Variants in TMEM232 observed in about 807,000 individuals in gnomAD.
TMEM232 encodes the protein transmembrane protein 232.
A neutral mutation model predicts 78.8 loss-of-function variants in TMEM232; 80 were observed. The ratio of observed to expected loss-of-function variants is 1.01; its 90% CI spans 0.85 to 1.22. TMEM232 has a LOEUF of 1.22. TMEM232 is among the 50% of genes most tolerant of loss of function. The pLI is 0.00. For synonymous variants in TMEM232, 297 were observed against 254.3 expected (o/e 1.17, Z -1.60); for missense variants, 881 against 742.2 (o/e 1.19, Z -2.17).
At chr5:110,452,340 C>T (rs1393082812) in intron 12 of TMEM232, among the ~76,000 whole-genome samples, 1 of 152,096 alleles carries the variant, frequency 6.6e-6, no homozygotes, top group East Asian at 1.9e-4. Context: ...TACCTCAATA[C>T]TCCTCTCAAT....
intron 13 of TMEM232, among the ~76,000 whole-genome samples, chr5:110,423,313 GT>G (rs1756873477): frequency 6.6e-6 from 1 of 152,158 alleles, no homozygotes; most frequent in Non-Finnish European, 1.5e-5. Context: ...TTGTAAGCAA[GT>G]TTGTTCTTAT....
intron 2 of TMEM232, among the ~76,000 whole-genome samples, chr5:110,406,257 G>GATAT (rs372613112): frequency 1.9e-4 from 15 of 80,848 alleles, no homozygotes; most frequent in African/African-American, 6.4e-4. Context: ...CTATGACACA[G>GATAT]ATATATATAC....
chr5:110,478,245 A>G (rs1358388497), intron 12 of TMEM232, among the ~76,000 whole-genome samples: 1 of 151,982 alleles, frequency 6.6e-6, no homozygotes, highest in Non-Finnish European at 1.5e-5. Context: ...GATCACTAAA[A>G]TGTTAATGAA....
At chr5:110,642,203 C>T in intron 3 of TMEM232, 57 bp downstream of exon 3, 2 of 1,057,096 alleles carry the variant, frequency 1.9e-6, no homozygotes, top group Non-Finnish European at 2.7e-6. Flanking sequence ...AATGTGTAAT[C>T]ATGTACCAAC....
rs573316067 is a variant in TMEM232 at position 110,536,683 on chromosome 5, C to A, written c.1456-7848G>T. Among the ~76,000 whole-genome samples the A allele has an allele frequency of 8.5e-5, 13 of 152,198 alleles. No homozygotes were observed. The South Asian group carries it at 1.5e-3, about 17-fold the overall frequency. ...ATGGGTCAAAGACAAAAGGAACCCA[C>A]CTAGCTATGCAAAGAATGTTATAAA... is the stretch of plus-strand genomic sequence containing the variant. On this transcript the variant is annotated intron_variant, in intron 11 of 13. Transcript: ENST00000455884.
intron 1 of TMEM232, among the ~76,000 whole-genome samples, chr5:110,680,049 T>C (rs1792521356): frequency 6.6e-6 from 1 of 152,030 alleles, no homozygotes; most frequent in Non-Finnish European, 1.5e-5. Context: ...GTCTCTGGAG[T>C]TGTCCAGGAA....
At chr5:110,529,605 T>C (rs1771131861) in intron 11 of TMEM232, among the ~76,000 whole-genome samples, 1 of 152,184 alleles carries the variant, frequency 6.6e-6, no homozygotes, top group African/African-American at 2.4e-5. Context: ...GAGCTTTGTA[T>C]TTAGCTTAAA....
rs1392454612 is a variant in TMEM232 at position 110,394,690 on chromosome 5, C to G, written n.390+3083G>C. On this transcript the variant is annotated intron_variant and non_coding_transcript_variant, in intron 3 of 8. Transcript: ENST00000507188. ...TTTCCTATTTTATCTCTTCGTTGACCCACTGGTCATTCAGGAGCATATTGT... is the reference window on the plus strand; with the variant it reads ...TTTCCTATTTTATCTCTTCGTTGACGCACTGGTCATTCAGGAGCATATTGT... Among the ~76,000 whole-genome samples, 3 of 152,170 alleles carry G rather than the reference C, an allele frequency of 2.0e-5. No individual in the cohort carries two copies. The East Asian group carries it at 5.8e-4, about 29-fold the overall frequency.
chr5:110,524,407 G>A (rs1300429893), intron 12 of TMEM232, among the ~76,000 whole-genome samples: 2 of 87,574 alleles, frequency 2.3e-5, no homozygotes, highest in Non-Finnish European at 4.5e-5. Flanking sequence ...AAGAAAGAAA[G>A]AAAGAAAGAA....
At chr5:110,637,001 G>A (rs1785931257) in intron 5 of TMEM232, among the ~76,000 whole-genome samples, 1 of 151,746 alleles carries the variant, frequency 6.6e-6, no homozygotes, top group Non-Finnish European at 1.5e-5. Context: ...AAAGGTCACT[G>A]AAGGAGATGA....
At chr5:110,543,307 G>T (rs533406368) in intron 11 of TMEM232, among the ~76,000 whole-genome samples, 1 of 152,228 alleles carries the variant, frequency 6.6e-6, no homozygotes, top group African/African-American at 2.4e-5. Context: ...ATTCTCTTGT[G>T]GGGAGCCCAG....
intron 10 of TMEM232, among the ~76,000 whole-genome samples, chr5:110,597,131 A>C (rs1780269327): frequency 6.6e-6 from 1 of 152,162 alleles, no homozygotes; most frequent in Admixed American, 6.5e-5. Flanking sequence ...GTCTCAGCCC[A>C]AAATCTCCTT....
chr5:110,400,253 G>C (rs2112568024), intron 2 of TMEM232, among the ~76,000 whole-genome samples: 1 of 152,210 alleles, frequency 6.6e-6, no homozygotes, highest in South Asian at 2.1e-4. Flanking sequence ...TGTAAAACGT[G>C]CGATATTGAG....
chr5:110,488,639 C>T (rs576361727), intron 12 of TMEM232, among the ~76,000 whole-genome samples: 1 of 152,032 alleles, frequency 6.6e-6, no homozygotes, highest in East Asian at 1.9e-4. Context: ...ACGACTTAAC[C>T]TTCCACCATT....
At chr5:110,652,187 T>A (rs985000766) in intron 2 of TMEM232, among the ~76,000 whole-genome samples, 3 of 152,102 alleles carry the variant, frequency 2.0e-5, no homozygotes, top group African/African-American at 7.2e-5. Flanking sequence ...TATAGTATAA[T>A]AATGTGCAAT....
At chr5:110,571,077 G>A (rs1242867335) in intron 10 of TMEM232, among the ~76,000 whole-genome samples, 1 of 152,120 alleles carries the variant, frequency 6.6e-6, no homozygotes, top group Non-Finnish European at 1.5e-5. Context: ...CGAGACTCCT[G>A]CATTCTTTCT....
chr5:110,605,423 G>A (rs2149828592), intron 9 of TMEM232, 65 bp from the exon 10 acceptor site: 3 of 1,449,996 alleles, frequency 2.1e-6, no homozygotes, highest in African/African-American at 2.9e-5. Context: ...ACTACACAGT[G>A]TACTTATAAT....
At chr5:110,615,065 C>T (rs995539109) in intron 8 of TMEM232, among the ~76,000 whole-genome samples, 1 of 151,960 alleles carries the variant, frequency 6.6e-6, no homozygotes, top group Non-Finnish European at 1.5e-5. Flanking sequence ...TCCCATCACA[C>T]TGTGAGACAG....
chr5:110,423,780 C>CGTGTGTGT (rs146104536), intron 13 of TMEM232, among the ~76,000 whole-genome samples: 2,841 of 142,458 alleles, frequency 0.02, 55 homozygotes, highest in East Asian at 0.053. Flanking sequence ...TTTATGCGTG[C>CGTGTGTGT]GTGTGTGTGT....
Sources: gnomAD v4.1 joint callset for allele counts (sites outside exome capture counted in the v4.1 genomes callset) on GRCh38, gnomAD v4.1.1 for gene constraint, MANE v1.5 for transcripts, NCBI Gene and HGNC (gene_info 2026-07-23, HGNC 2026-07-21) for gene names.